Variants in SLC5A7 observed in about 807,000 individuals in gnomAD.
SLC5A7 encodes solute carrier family 5 member 7.
Under a neutral mutation model 55.4 loss-of-function variants are expected in SLC5A7, and 19 were observed. That is an observed-to-expected ratio of 0.34 (90% CI 0.24 to 0.50). The LOEUF is 0.50. Ranked by LOEUF, SLC5A7 falls within the 20% of genes least tolerant of loss-of-function variation. SLC5A7 has a pLI of 0.98. For missense variants in SLC5A7, 506 were observed against 705.3 expected, an observed-to-expected ratio of 0.72 and a Z score of 3.20; for synonymous variants, 265 against 263.7, an observed-to-expected ratio of 1.00 and a Z score of -0.05.
At chr2:108,008,211 T>C (rs1378261182) in intron 7 of SLC5A7, among the ~76,000 whole-genome samples, 3 of 152,324 alleles carry the variant, frequency 2.0e-5, no homozygotes, top group East Asian at 3.9e-4. Flanking sequence ...AACACCATCA[T>C]TGCAGAAAGG....
Position 108,006,115 on chromosome 2 carries a change from G to A in SLC5A7, c.808G>A (p.Ala270Thr). ...RVLSSSSATY[A>T]QVLSFLAAFG... The stretch of plus-strand genomic sequence containing the variant: ...TCTCTCTTCTTCCTCAGCCACCTAT[G>A]CTCAAGTGCTGTCCTTCCTGGCAGC... Residue 270 changes from alanine to threonine, a missense_variant, in exon 7 of 9, where the codon GCT (alanine) becomes ACT (threonine). Ala to Thr is a moderately conservative substitution (Grantham distance 58). This residue lies in a region of SLC5A7 where 309 missense variants were observed against 478.6 expected (regional missense o/e 0.65). Transcript: ENST00000264047. 6.2e-7 allele frequency: 1 copy of A among 1,614,096 alleles called. No individual in the cohort carries two copies. Among genetic ancestry groups the A allele is most frequent in the Non-Finnish European group, 8.5e-7 (1 of 1,180,010 alleles).
chr2:107,999,790 C>T (rs1381937930), intron 5 of SLC5A7, among the ~76,000 whole-genome samples: 1 of 152,088 alleles, frequency 6.6e-6, no homozygotes, highest in Admixed American at 6.5e-5. Context: ...CTCTCTCCTT[C>T]TTGTAAGGGT....
At chr2:108,002,920 T>A (rs1677972678) in intron 6 of SLC5A7, among the ~76,000 whole-genome samples, 1 of 152,192 alleles carries the variant, frequency 6.6e-6, no homozygotes, top group South Asian at 2.1e-4. Context: ...GGAAATTGGT[T>A]ATTTTTGTTT....
At chr2:108,007,077 A>G (rs1440696484) in intron 7 of SLC5A7, among the ~76,000 whole-genome samples, 1 of 152,196 alleles carries the variant, frequency 6.6e-6, no homozygotes, top group East Asian at 1.9e-4. Context: ...AATTAAATGT[A>G]TTAATTACTC....
In SLC5A7 at chr2:108,010,862, C is replaced by A; in HGVS notation, c.*1C>A. Reference sequence around the variant, plus strand: ...TGGGACTGAAGATAATTTACAGTGACCCCATCTAAATAAAATACTGCTTTT... The same window carrying A: ...TGGGACTGAAGATAATTTACAGTGAACCCATCTAAATAAAATACTGCTTTT... On this transcript the variant is annotated 3_prime_UTR_variant, in exon 9 of 9. Coordinates refer to ENST00000264047, the MANE Select transcript of SLC5A7 (RefSeq NM_021815.5). 3 of 1,563,090 alleles carry A rather than the reference C, an allele frequency of 1.9e-6. No homozygotes were observed. Among genetic ancestry groups the A allele is most frequent in the Admixed American group, 2.0e-5 (1 of 50,002 alleles).
chr2:108,002,570 A>C (rs2104365967), intron 6 of SLC5A7, among the ~76,000 whole-genome samples: 1 of 152,302 alleles, frequency 6.6e-6, no homozygotes, highest in Admixed American at 6.5e-5. Flanking sequence ...TTTGGGGCAA[A>C]GGTGCAGGCA....
chr2:107,999,455 G>A (rs1006256240), intron 5 of SLC5A7, among the ~76,000 whole-genome samples: 19 of 152,102 alleles, frequency 1.2e-4, no homozygotes, highest in African/African-American at 3.1e-4. Flanking sequence ...TAAAACCCAC[G>A]GGTGCATAAA....
At position 107,992,227 on chromosome 2, in the gene SLC5A7, A is replaced by G. The variant is rs889721730; in HGVS notation, c.292+8A>G. 4 of 1,563,412 alleles carry G rather than the reference A, an allele frequency of 2.6e-6. No individual in the cohort carries two copies. The African/African-American group carries it at 5.4e-5, about 21-fold the overall frequency. ...CTCTTAGTCTGATTTTAGGTAAGTGAAAGTGCAAATCTCAGTGACTCACTC... is the reference window on the plus strand; with the variant it reads ...CTCTTAGTCTGATTTTAGGTAAGTGGAAGTGCAAATCTCAGTGACTCACTC... On this transcript the variant is annotated splice_region_variant and intron_variant, in intron 3 of 8. Coordinates refer to ENST00000264047, the MANE Select transcript of SLC5A7 (RefSeq NM_021815.5).
At chr2:107,995,466 A>AGTGTGT (rs1428541581) in intron 4 of SLC5A7, among the ~76,000 whole-genome samples, 29 of 127,456 alleles carry the variant, frequency 2.3e-4, no homozygotes, top group African/African-American at 6.8e-4. Context: ...AGAGAGAGAG[A>AGTGTGT]GAGAGTGTGT....
intron 6 of SLC5A7, among the ~76,000 whole-genome samples, chr2:108,002,362 CTTTAT>C (rs542649544): frequency 9.1e-4 from 139 of 152,230 alleles, no homozygotes; most frequent in African/African-American, 3.3e-3. Context: ...CTTGTAAAGG[CTTTAT>C]TTTGTGTTTT....
chr2:108,011,197 A>C lies in SLC5A7; in HGVS notation c.*336A>C, dbSNP rs1678314661. The C allele has an allele frequency of 1.1e-5, 2 of 180,542 alleles. 1 individual carries two copies. Among genetic ancestry groups the C allele is most frequent in the South Asian group, 3.7e-4 (2 of 5,390 alleles). 11.2% of individuals were successfully genotyped at this position (180,542 alleles called of 1,614,324 possible). A position where few individuals can be genotyped will look rare whatever the true frequency, so the allele number is the denominator to read the frequency against. On this transcript the variant is annotated 3_prime_UTR_variant, in exon 9 of 9. Coordinates refer to ENST00000264047, the MANE Select transcript of SLC5A7 (RefSeq NM_021815.5). ...AAGGAAGTAGATGTGAAAAAGCCTA[A>C]GAAAAAGGAAATTGGACAGTTTTGA...
At chr2:108,000,172 C>A (rs557217779) in intron 5 of SLC5A7, among the ~76,000 whole-genome samples, 1 of 152,266 alleles carries the variant, frequency 6.6e-6, no homozygotes, top group African/African-American at 2.4e-5. Flanking sequence ...CGCACACACA[C>A]ACACCCCATT....
intron 1 of SLC5A7, 86 bp from the exon 2 acceptor site, chr2:107,988,019 T>G: frequency 2.5e-6 from 2 of 784,404 alleles, no homozygotes; most frequent in South Asian, 4.3e-5. Context: ...GCACAGGATC[T>G]CGCATGAGCC....
chr2:107,998,962 C>T lies in SLC5A7; in HGVS notation c.597+976C>T, dbSNP rs1009394412. 3.3e-5 allele frequency among the ~76,000 whole-genome samples: 5 copies of T among 152,198 alleles called. 1 individual carries two copies. In the South Asian group the frequency reaches 1.0e-3, roughly 32 times the overall value. ...TGAAGAAGTAATCTCATGCCCTTCT[C>T]TCCTTTTTATAAACTTTCCATCATC... On this transcript the variant is annotated intron_variant, in intron 5 of 8. Coordinates refer to ENST00000264047, the MANE Select transcript of SLC5A7 (RefSeq NM_021815.5).
In SLC5A7 at chr2:108,011,181, G is replaced by A. The variant is rs530034342; in HGVS notation, c.*320G>A. The stretch of plus-strand genomic sequence containing the variant: ...ATATTTGTTATGATAAAAGGAAGTA[G>A]ATGTGAAAAAGCCTAAGAAAAAGGA... On this transcript the variant is annotated 3_prime_UTR_variant, in exon 9 of 9. Coordinates refer to ENST00000264047, the MANE Select transcript of SLC5A7 (RefSeq NM_021815.5). The A allele has an allele frequency of 3.7e-4, 73 of 196,620 alleles. No homozygotes were observed. The highest frequency in any genetic ancestry group is 1.7e-3 in the African/African-American group (72 of 43,328). 12.2% of individuals were successfully genotyped at this position (196,620 alleles called of 1,614,324 possible).
chr2:107,988,084 G>A (rs1573586831), intron 1 of SLC5A7, 21 bp from the exon 2 acceptor site: 1 of 1,496,340 alleles, frequency 6.7e-7, no homozygotes, highest in East Asian at 2.3e-5. Context: ...GGTTTATAAT[G>A]CATCCCTGTA....
In SLC5A7 at chr2:108,013,245, C is replaced by T. The variant is rs575490182; in HGVS notation, c.*2384C>T. On this transcript the variant is annotated 3_prime_UTR_variant, in exon 9 of 9. Transcript: ENST00000264047. The stretch of plus-strand genomic sequence containing the variant: ...TGTTCAAAGTACTAAAACTAGATAA[C>T]TTAAATAATTTAAGCCAATAAATAA... 6.6e-6 allele frequency: 1 copy of T among 152,178 alleles called. No individual in the cohort carries two copies. Among genetic ancestry groups the T allele is most frequent in the Admixed American group, 6.5e-5 (1 of 15,274 alleles). The allele number at this position is 152,178 out of a possible 1,614,324, so 9.4% of individuals were successfully genotyped here. A position where few individuals can be genotyped will look rare whatever the true frequency, so the allele number is the denominator to read the frequency against.
chr2:107,998,059 A>T, intron 5 of SLC5A7, 73 bp downstream of exon 5: 11 of 1,339,810 alleles, frequency 8.2e-6, no homozygotes, highest in Non-Finnish European at 1.0e-5. Context: ...AACTCATTAA[A>T]AATGAGTAGA....
At position 108,012,100 on chromosome 2, in the gene SLC5A7, T is replaced by G. The variant is rs1033062355; in HGVS notation, c.*1239T>G. On this transcript the variant is annotated 3_prime_UTR_variant, in exon 9 of 9. Coordinates refer to ENST00000264047, the MANE Select transcript of SLC5A7 (RefSeq NM_021815.5). ...TTTAACATTTGATGTCTAGATAACA[T>G]TCATGAGATTGGTCATTAAATACTA... 1.6e-4 allele frequency: 24 copies of G among 152,560 alleles called. No individual in the cohort carries two copies. Among genetic ancestry groups the G allele is most frequent in the African/African-American group, 5.8e-4 (24 of 41,444 alleles). The allele number at this position is 152,560 out of a possible 1,614,324, so 9.5% of individuals were successfully genotyped here.
Sources: gnomAD v4.1 joint callset for allele counts (sites outside exome capture counted in the v4.1 genomes callset) on GRCh38, gnomAD v4.1.1 for gene constraint, gnomAD v4.1.1 regional missense constraint, MANE v1.5 for transcripts, NCBI Gene and HGNC (gene_info 2026-07-23, HGNC 2026-07-21) for gene names.